The following TRIM13 variants were observed in gnomAD, a reference collection of about 807,000 sequenced individuals.
TRIM13 encodes the protein tripartite motif containing 13.
Under a neutral mutation model 27.1 loss-of-function variants are expected in TRIM13, and 15 were observed. The observed-to-expected ratio is 0.55, with a 90% confidence interval of 0.37 to 0.85. The LOEUF (loss-of-function observed/expected upper bound fraction) is 0.85, where lower values mean the gene tolerates loss of function less well. Among genes scored for constraint, TRIM13 ranks in the 40% least tolerant of loss-of-function variants. The pLI is 0.00. For missense variants in TRIM13, 402 were observed against 472.2 expected (o/e 0.85, Z 1.38); for synonymous variants, 193 against 171.5 (o/e 1.13, Z -0.98).
At chr13:50,003,868 T>C (rs188368143) in intron 1 of TRIM13, among the ~76,000 whole-genome samples, 30 of 152,366 alleles carry the variant, frequency 2.0e-4, no homozygotes, top group Non-Finnish European at 2.4e-4. Context: ...AAAACATCAA[T>C]ATGGCAGGAG....
chr13:50,005,372 G>A (rs1257083433), intron 1 of TRIM13, among the ~76,000 whole-genome samples: 1 of 152,038 alleles, frequency 6.6e-6, no homozygotes. Context: ...AGAAAGTTTT[G>A]ATTATAAAGA....
chr13:50,006,621 G>A (rs551405723), intron 1 of TRIM13, among the ~76,000 whole-genome samples: 18 of 152,218 alleles, frequency 1.2e-4, no homozygotes, highest in African/African-American at 4.1e-4. Flanking sequence ...TCAAAAGTTT[G>A]ACTTCATTGT....
At chr13:49,999,512 A>G (rs958989764) in intron 1 of TRIM13, among the ~76,000 whole-genome samples, 3 of 152,128 alleles carry the variant, frequency 2.0e-5, no homozygotes, top group Admixed American at 6.5e-5. Context: ...CAATGGAGCC[A>G]TTTCATTATG....
At chr13:50,001,020 T>TG (rs1873964529) in intron 1 of TRIM13, 1 of 152,438 alleles carries the variant, frequency 6.6e-6, no homozygotes, top group African/African-American at 2.4e-5. Context: ...CCGGGTGCAG[T>TG]GGCTCAGGCC....
rs750935508 is a variant in TRIM13, at chr13:50,017,487, G to A, written c.*4323G>A. The A allele has an allele frequency of 3.6e-5, 6 of 167,054 alleles. No individual in the cohort carries two copies. The highest frequency in any genetic ancestry group is 1.4e-4 in the African/African-American group (6 of 41,452). 10.3% of individuals were successfully genotyped at this position (167,054 alleles called of 1,614,324 possible). Reference sequence around the variant, plus strand: ...TTATGTTGTGTTTTAGAAACAGCACGAAAGTTTTTTCCATTTTAAAGTGAG... The same window carrying A: ...TTATGTTGTGTTTTAGAAACAGCACAAAAGTTTTTTCCATTTTAAAGTGAG... On this transcript the variant is annotated 3_prime_UTR_variant, in exon 2 of 2. Coordinates refer to ENST00000378182, the MANE Select transcript of TRIM13 (RefSeq NM_213590.3).
chr13:50,013,133 C>T lies in TRIM13; in HGVS notation c.1193C>T (p.Ala398Val). The change falls in exon 2 of 2, where the codon GCA becomes GTA. Residue 398 changes from alanine to valine, a missense_variant. Transcript: ENST00000378182. ...NFTLVVLNNV[A>V]EFVCKYKLL is the part of the protein sequence containing the mutation. ...ACTTTGGTGGTACTGAACAATGTGG[C>T]AGAATTTGTGTGCAAATATAAACTA... 6.3e-7 allele frequency: 1 copy of T among 1,582,638 alleles called. No homozygotes were observed. Among genetic ancestry groups the T allele is most frequent in the Admixed American group, 1.9e-5 (1 of 52,592 alleles).
chr13:50,011,736 C>T (rs1421182223), intron 1 of TRIM13, among the ~76,000 whole-genome samples, 199 bp from the exon 2 acceptor site: 2 of 152,202 alleles, frequency 1.3e-5, no homozygotes, highest in Non-Finnish European at 2.9e-5. Flanking sequence ...GGATGCCCTA[C>T]TATTAAAGGA....
chr13:50,011,006 A>T (rs1875562273), intron 1 of TRIM13, among the ~76,000 whole-genome samples: 1 of 152,160 alleles, frequency 6.6e-6, no homozygotes, highest in African/African-American at 2.4e-5. Context: ...AAAATGAATA[A>T]TTTTTACTGC....
chr13:49,998,917 G>T (rs145787951), intron 1 of TRIM13, among the ~76,000 whole-genome samples: 1,693 of 143,730 alleles, frequency 0.012, 29 homozygotes, highest in African/African-American at 0.042. Context: ...GCAACAGAGC[G>T]AGACTCTACC....
At position 50,017,924 on chromosome 13, in the gene TRIM13, T is replaced by G. The variant is rs61961301; in HGVS notation, c.*4760T>G. On this transcript the variant is annotated 3_prime_UTR_variant, in exon 2 of 2. Coordinates refer to ENST00000378182, the MANE Select transcript of TRIM13 (RefSeq NM_213590.3). The stretch of plus-strand genomic sequence containing the variant: ...CACTTTATTCAGTTTGTTCTATCAA[T>G]ATGATTTACCCCTCAAGGTTAACCT... The G allele has an allele frequency of 0.14, 22,987 of 167,028 alleles. 1,673 individuals carry two copies. The highest frequency in any genetic ancestry group is 0.14 in the African/African-American group (5,967 of 41,502). 10.3% of individuals were successfully genotyped at this position (167,028 alleles called of 1,614,324 possible).
Position 50,012,469 on chromosome 13 carries a change from A to G in TRIM13, c.529A>G (p.Lys177Glu). 6.2e-7 allele frequency: 1 copy of G among 1,614,048 alleles called. No individual in the cohort carries two copies. ...GAGGAAATCCCTACAGTTACTGACT[A>G]AAGATTCAGATAAAGTGAAGGAATT... The part of the protein sequence containing the change: ...SKRKSLQLLT[K>E]DSDKVKEFFE... Residue 177 changes from lysine (K) to glutamate (E), a missense_variant, in exon 2 of 2, where the codon AAA becomes GAA. By Grantham distance (56) the Lys-to-Glu change is moderately conservative. Coordinates refer to ENST00000378182, the MANE Select transcript of TRIM13 (RefSeq NM_213590.3).
chr13:50,008,096 G>A (rs1271175555), intron 1 of TRIM13, among the ~76,000 whole-genome samples: 2 of 151,836 alleles, frequency 1.3e-5, no homozygotes, highest in Non-Finnish European at 2.9e-5. Context: ...TAGTAGAGAC[G>A]GGGTTTTACT....
intron 1 of TRIM13, among the ~76,000 whole-genome samples, chr13:50,001,595 T>C (rs1874050849): frequency 6.6e-6 from 1 of 150,734 alleles, no homozygotes; most frequent in South Asian, 2.1e-4. Flanking sequence ...AAAAGGTTGG[T>C]TACTTACTGT....
In TRIM13 at chr13:50,015,096, TATATATATATATATATA is replaced by T. The variant is rs1876317315; in HGVS notation, c.*1933_*1949del. 128 of 49,672 alleles carry T rather than the reference TATATATATATATATATA, an allele frequency of 2.6e-3. 14 individuals are homozygous for T. The highest frequency in any genetic ancestry group is 0.021 in the Middle Eastern group (2 of 96). The allele number at this position is 49,672 out of a possible 1,614,324, so 3.1% of individuals were successfully genotyped here. A position where few individuals can be genotyped will look rare whatever the true frequency, so the allele number is the denominator to read the frequency against. ...GTAATAAAAAAAAAAAAAAAAAAAA[TATATATATATATATATA>T]TATATATATATATATATATATATAT... On this transcript the variant is annotated 3_prime_UTR_variant, in exon 2 of 2. Transcript: ENST00000378182.
chr13:50,012,711 GAA>G lies in TRIM13; in HGVS notation c.774_775del (p.Lys258AsnfsTer13). 1 of 1,614,070 alleles carries G rather than the reference GAA, an allele frequency of 6.2e-7. No homozygotes were observed. Among genetic ancestry groups the G allele is most frequent in the Non-Finnish European group, 8.5e-7 (1 of 1,180,010 alleles). Reference protein sequence around the residue: ...FLQQMQEFREKIKVIKETPLP... With the variant: ...FLQQMQEFREXIKVIKETPLP... ...TGCAACAGATGCAGGAGTTTAGAGAGAAAATCAAAGTAATCAAGGAAACTCCT... is the reference window on the plus strand; with the variant it reads ...TGCAACAGATGCAGGAGTTTAGAGAGAATCAAAGTAATCAAGGAAACTCCT... On this transcript the variant is annotated frameshift_variant, in exon 2 of 2. Coordinates refer to ENST00000378182, the MANE Select transcript of TRIM13 (RefSeq NM_213590.3). LOFTEE classifies it high-confidence loss of function.
chr13:50,000,395 T>TA (rs1873878668), intron 1 of TRIM13, among the ~76,000 whole-genome samples: 1 of 152,160 alleles, frequency 6.6e-6, no homozygotes, highest in African/African-American at 2.4e-5. Flanking sequence ...AGGAAGTAAT[T>TA]AGAGCTGTGG....
chr13:50,006,314 C>T (rs1566435900), intron 1 of TRIM13, among the ~76,000 whole-genome samples: 1 of 151,980 alleles, frequency 6.6e-6, no homozygotes, highest in Non-Finnish European at 1.5e-5. Context: ...GTCGTTGTAT[C>T]CTCAATTTTC....
Position 50,000,737 on chromosome 13 carries a change from C to T in TRIM13, c.-7+2974C>T, listed in dbSNP as rs1334490991. ...GATGTGATTATGGGTGGCTTTTTCT[C>T]TCTATTTTCTGAATTTTCTATAATA... On this transcript the variant is annotated intron_variant, in intron 1 of 1. Transcript: ENST00000378182. Among the ~76,000 whole-genome samples, 9 of 102,620 alleles carry T rather than the reference C, an allele frequency of 8.8e-5. No individual in the cohort carries two copies. The East Asian group carries it at 1.2e-3, about 13-fold the overall frequency. The allele number at this position is 102,620 out of a possible 152,430, so 67.3% of individuals were successfully genotyped here.
At position 50,014,603 on chromosome 13, in the gene TRIM13, C is replaced by T. The variant is rs963379991; in HGVS notation, c.*1439C>T. ...CTGTCAGCTATTACAAAGTAATCAG[C>T]TGAACACTAATGCTGTTCTGTCTGC... On this transcript the variant is annotated 3_prime_UTR_variant, in exon 2 of 2. Transcript: ENST00000378182. The T allele has an allele frequency of 6.0e-6, 1 of 166,724 alleles. No individual in the cohort carries two copies. The highest frequency in any genetic ancestry group is 2.4e-5 in the African/African-American group (1 of 41,342). The allele number at this position is 166,724 out of a possible 1,614,324, so 10.3% of individuals were successfully genotyped here. A position where few individuals can be genotyped will look rare whatever the true frequency, so the allele number is the denominator to read the frequency against.
Sources: gnomAD v4.1 joint callset for allele counts (sites outside exome capture counted in the v4.1 genomes callset) on GRCh38, gnomAD v4.1.1 for gene constraint, MANE v1.5 for transcripts, NCBI Gene and HGNC (gene_info 2026-07-23, HGNC 2026-07-21) for gene names.